The following CFAP44 variants were observed in gnomAD, a reference collection of about 807,000 sequenced individuals.
CFAP44 encodes cilia and flagella associated protein 44.
A neutral mutation model predicts 216.2 loss-of-function variants in CFAP44; 134 were observed. That is an observed-to-expected ratio of 0.62 (90% CI 0.54 to 0.72). The LOEUF is 0.72. Among genes scored for constraint, CFAP44 ranks in the 30% least tolerant of loss-of-function variants. The pLI is 0.00. For synonymous variants in CFAP44, 700 were observed against 727.6 expected (o/e 0.96, Z 0.61); for missense variants, 2,035 against 2,182.1 (o/e 0.93, Z 1.34).
At chr3:113,314,247 A>G (rs1053745656) in intron 28 of CFAP44, among the ~76,000 whole-genome samples, 1 of 152,214 alleles carries the variant, frequency 6.6e-6, no homozygotes, top group African/African-American at 2.4e-5. Flanking sequence ...ACTTCTGAAA[A>G]CTAAAGACAA....
At chr3:113,427,049 T>G in intron 3 of CFAP44, 138 bp downstream of exon 3, 1 of 942,358 alleles carries the variant, frequency 1.1e-6, no homozygotes, top group South Asian at 1.6e-5. Flanking sequence ...TACCAAAATA[T>G]GTACTTGTCC....
Position 113,291,337 on chromosome 3 carries a change from T to C in CFAP44, c.*220A>G, listed in dbSNP as rs955266421. 3.2e-5 allele frequency: 16 copies of C among 505,148 alleles called. No individual in the cohort carries two copies. Among genetic ancestry groups the C allele is most frequent in the African/African-American group, 2.5e-4 (13 of 52,750 alleles). The allele number at this position is 505,148 out of a possible 1,614,324, so 31.3% of individuals were successfully genotyped here. A position where few individuals can be genotyped will look rare whatever the true frequency, so the allele number is the denominator to read the frequency against. ...TTCAATCTAGTAGGTTCGAAACATC[T>C]AAAATGATTCAGTTTCATAACAGAG... On this transcript the variant is annotated 3_prime_UTR_variant, in exon 35 of 35. Transcript: ENST00000393845.
chr3:113,420,736 A>G (rs2107393884), intron 4 of CFAP44, among the ~76,000 whole-genome samples: 1 of 152,320 alleles, frequency 6.6e-6, no homozygotes, highest in Non-Finnish European at 1.5e-5. Context: ...TCTAACAAAC[A>G]TGTTTGTAAA....
Position 113,294,797 on chromosome 3 carries a change from C to T in CFAP44, c.5263G>A (p.Glu1755Lys), listed in dbSNP as rs1949865180. The T allele has an allele frequency of 2.0e-6, 3 of 1,533,928 alleles. No homozygotes were observed. The highest frequency in any genetic ancestry group is 2.6e-6 in the Non-Finnish European group (3 of 1,145,694). ...WEEKIAQMRW[E>K]LMMKTKEHTR... ...TGTTCTTTTGTCTTCATCATCAGTT[C>T]CCATCGCATTTGAGCAATCTTTTCC... is the stretch of plus-strand genomic sequence containing the variant. The change falls in exon 34 of 35, where the codon GAA (glutamate) becomes AAA (lysine). Residue 1755 changes from glutamate (E) to lysine (K), a missense_variant. By Grantham distance (56) the Glu-to-Lys change is moderately conservative. Coordinates refer to ENST00000393845, the MANE Select transcript of CFAP44 (RefSeq NM_001164496.2).
intron 17 of CFAP44, 90 bp downstream of exon 17, chr3:113,379,216 T>G: frequency 5.1e-6 from 5 of 986,548 alleles, no homozygotes; most frequent in Non-Finnish European, 6.9e-6. Flanking sequence ...AAATGAAATC[T>G]TAACATAAGA....
intron 6 of CFAP44, among the ~76,000 whole-genome samples, chr3:113,416,228 A>C (rs1934642821): frequency 6.6e-6 from 1 of 150,452 alleles, no homozygotes; most frequent in African/African-American, 2.5e-5. Flanking sequence ...ATTTTCCTCC[A>C]TTCCTTTGTT....
chr3:113,302,786 A>AAAAG (rs1949950794), intron 32 of CFAP44, among the ~76,000 whole-genome samples: 2 of 151,048 alleles, frequency 1.3e-5, no homozygotes, highest in East Asian at 1.9e-4. Flanking sequence ...AAAAAAAAAA[A>AAAAG]AAAAAGAAAA....
At chr3:113,422,800 G>A (rs192055334) in intron 4 of CFAP44, among the ~76,000 whole-genome samples, 7 of 152,202 alleles carry the variant, frequency 4.6e-5, no homozygotes, top group Non-Finnish European at 1.5e-5. Flanking sequence ...CACTACTTTA[G>A]ATGAAAATTA....
chr3:113,431,733 A>C (rs1423936142), intron 2 of CFAP44, among the ~76,000 whole-genome samples: 1 of 152,216 alleles, frequency 6.6e-6, no homozygotes, highest in Admixed American at 6.5e-5. Context: ...TCTGCGATAG[A>C]TTAAAAGAAT....
chr3:113,291,551 G>A lies in CFAP44; in HGVS notation c.*6C>T. Reference sequence around the variant, plus strand: ...AATCTTGTATGGGTTTGAGAAAATAGCAAACTCAAAGGTCTGCGGGCTGTA... The same window carrying A: ...AATCTTGTATGGGTTTGAGAAAATAACAAACTCAAAGGTCTGCGGGCTGTA... On this transcript the variant is annotated 3_prime_UTR_variant, in exon 35 of 35. Transcript: ENST00000393845. 1 of 1,533,726 alleles carries A rather than the reference G, an allele frequency of 6.5e-7. No individual in the cohort carries two copies. Among genetic ancestry groups the A allele is most frequent in the Non-Finnish European group, 8.7e-7 (1 of 1,144,026 alleles).
rs1029205558 is a variant in CFAP44, at chr3:113,441,472, G to T, written c.-25C>A. ...ACTCACCGAAGGTACTGACCGCCGC[G>T]GCTCCTCTCTTCACAGCGTCTGCCG... On this transcript the variant is annotated 5_prime_UTR_variant, in exon 1 of 35. Transcript: ENST00000393845. 2 of 984,186 alleles carry T rather than the reference G, an allele frequency of 2.0e-6. No homozygotes were observed. The highest frequency in any genetic ancestry group is 2.4e-6 in the Non-Finnish European group (2 of 830,002). The allele number at this position is 984,186 out of a possible 1,614,324, so 61.0% of individuals were successfully genotyped here.
At chr3:113,306,174 G>C in intron 30 of CFAP44, 27 bp downstream of exon 30, 1 of 1,528,844 alleles carries the variant, frequency 6.5e-7, no homozygotes, top group Non-Finnish European at 8.7e-7. Context: ...ATTTTGAGAG[G>C]ATAAATAAGT....
intron 24 of CFAP44, among the ~76,000 whole-genome samples, chr3:113,335,995 A>T (rs1021726366): frequency 6.6e-6 from 1 of 152,232 alleles, no homozygotes; most frequent in African/African-American, 2.4e-5. Context: ...ATCACAAGGG[A>T]TATTAGAAAT....
chr3:113,328,696 T>TAAAAAAAAAAAAAAA (rs58650082), intron 26 of CFAP44, among the ~76,000 whole-genome samples: 10 of 28,476 alleles, frequency 3.5e-4, no homozygotes, highest in Admixed American at 5.4e-4. Context: ...TTAGAGAGCT[T>TAAAAAAAAAAAAAAA]AAAAAAAAAA....
intron 5 of CFAP44, among the ~76,000 whole-genome samples, chr3:113,419,593 T>A (rs1934752606): frequency 6.6e-6 from 1 of 152,222 alleles, no homozygotes; most frequent in South Asian, 2.1e-4. Flanking sequence ...GTTTCCATAG[T>A]CAATCTATGT....
At chr3:113,344,392 G>A (rs1355243361) in intron 23 of CFAP44, 124 bp downstream of exon 23, 1 of 791,098 alleles carries the variant, frequency 1.3e-6, no homozygotes, top group Non-Finnish European at 2.0e-6. Flanking sequence ...AACCATCATG[G>A]AAGGAAGAGG....
intron 21 of CFAP44, among the ~76,000 whole-genome samples, chr3:113,359,194 A>G (rs1950516613): frequency 6.6e-6 from 1 of 152,210 alleles, no homozygotes; most frequent in Admixed American, 6.5e-5. Context: ...ATTACATAAA[A>G]ATTGGACATG....
intron 1 of CFAP44, chr3:113,434,681 T>C (rs1417185813): frequency 6.6e-6 from 1 of 152,228 alleles, no homozygotes; most frequent in Non-Finnish European, 1.5e-5. Context: ...AATGGAACAC[T>C]AGTTCTATTT....
rs769668953 is a variant in CFAP44, at chr3:113,396,512, G to A, written c.1779+6C>T. On this transcript the variant is annotated splice_donor_region_variant and intron_variant, in intron 14 of 34. Coordinates refer to ENST00000393845, the MANE Select transcript of CFAP44 (RefSeq NM_001164496.2). The stretch of plus-strand genomic sequence containing the variant: ...AACAAGAAAAGAAAGGAAATGTACT[G>A]CTTACCCCTGTGGCTAGAATTTCCC... 3 of 1,613,764 alleles carry A rather than the reference G, an allele frequency of 1.9e-6. No homozygotes were observed. The highest frequency in any genetic ancestry group is 3.3e-5 in the Admixed American group (2 of 59,956).
Sources: allele counts gnomAD v4.1 joint callset (sites outside exome capture counted in the v4.1 genomes callset), GRCh38; gene constraint gnomAD v4.1.1; transcripts MANE v1.5; gene names NCBI Gene and HGNC (gene_info 2026-07-23, HGNC 2026-07-21).